The following FAF1 variants were observed in gnomAD, a reference collection of about 807,000 sequenced individuals.
FAF1 encodes the protein FAS-associated factor 1.
FAF1 carries 25 observed loss-of-function variants against 92.5 expected under a neutral mutation model. The ratio of observed to expected loss-of-function variants is 0.27; its 90% CI spans 0.20 to 0.38. FAF1 has a LOEUF of 0.38. Ranked by LOEUF, FAF1 falls within the 10% of genes least tolerant of loss-of-function variation. The probability of loss-of-function intolerance (pLI) is 1.00; values close to 1 mark genes in which losing one functional copy is unlikely to be tolerated. For synonymous variants in FAF1, 234 were observed against 273.2 expected (o/e 0.86, Z 1.42); for missense variants, 636 against 793.3 (o/e 0.80, Z 2.38).
chr1:50,670,464 T>G (rs934352478), intron 7 of FAF1, among the ~76,000 whole-genome samples: 1 of 152,052 alleles, frequency 6.6e-6, no homozygotes, highest in Non-Finnish European at 1.5e-5. Context: ...CTTAAGAAAG[T>G]AGAAAATATA....
At chr1:50,926,123 G>T (rs927357796) in intron 1 of FAF1, among the ~76,000 whole-genome samples, 1 of 152,062 alleles carries the variant, frequency 6.6e-6, no homozygotes, top group East Asian at 1.9e-4. Context: ...AGACTGAGGG[G>T]GGAGGATCGC....
At chr1:50,602,439 T>C (rs1652184476) in intron 8 of FAF1, among the ~76,000 whole-genome samples, 1 of 152,198 alleles carries the variant, frequency 6.6e-6, no homozygotes, top group Non-Finnish European at 1.5e-5. Context: ...AGGTCAATTA[T>C]ACTTCAATAA....
At chr1:50,941,786 C>T (rs1469547893) in intron 1 of FAF1, among the ~76,000 whole-genome samples, 1 of 152,120 alleles carries the variant, frequency 6.6e-6, no homozygotes, top group Non-Finnish European at 1.5e-5. Context: ...AACACGTTCC[C>T]CCATTGGACC....
intron 2 of FAF1, chr1:50,846,389 C>T (rs1644299695): frequency 5.9e-6 from 2 of 340,922 alleles, no homozygotes; most frequent in Non-Finnish European, 1.1e-5. Flanking sequence ...ACCTCCAGGT[C>T]CCCGCCATCC....
chr1:50,685,697 A>T (rs944732303), intron 7 of FAF1, among the ~76,000 whole-genome samples: 2 of 152,216 alleles, frequency 1.3e-5, no homozygotes, highest in African/African-American at 2.4e-5. Flanking sequence ...AGCTACTGAC[A>T]CTAGTAGATG....
At chr1:50,506,449 T>G (rs1647059439) in intron 15 of FAF1, among the ~76,000 whole-genome samples, 1 of 152,142 alleles carries the variant, frequency 6.6e-6, no homozygotes, top group Admixed American at 6.6e-5. Context: ...CCACCCCTTC[T>G]CCTTCAGGCA....
intron 1 of FAF1, 40 bp downstream of exon 1, chr1:50,959,727 G>A (rs764809890): frequency 1.3e-6 from 2 of 1,567,238 alleles, no homozygotes; most frequent in Non-Finnish European, 1.7e-6. Context: ...GGAAACCCAC[G>A]AGGTTGGAAG....
At chr1:50,809,478 A>C (rs1400760116) in intron 2 of FAF1, among the ~76,000 whole-genome samples, 3 of 152,222 alleles carry the variant, frequency 2.0e-5, no homozygotes, top group Non-Finnish European at 4.4e-5. Context: ...AGAGACTGCT[A>C]TGAACATCTC....
chr1:50,717,871 G>C lies in FAF1; in HGVS notation c.552-11980C>G, dbSNP rs191838212. 1.7e-3 allele frequency among the ~76,000 whole-genome samples: 257 copies of C among 152,032 alleles called. 1 individual carries two copies. Among genetic ancestry groups the C allele is most frequent in the African/African-American group, 5.9e-3 (244 of 41,468 alleles). On this transcript the variant is annotated intron_variant, in intron 6 of 18. Coordinates refer to ENST00000396153, the MANE Select transcript of FAF1 (RefSeq NM_007051.3). ...TTTTTAAAACAATTGTATGTTTATT[G>C]TATATGAATTATAACTCCATAAAAA...
At chr1:50,572,723 G>C (rs896250600) in intron 12 of FAF1, among the ~76,000 whole-genome samples, 1 of 152,188 alleles carries the variant, frequency 6.6e-6, no homozygotes, top group Admixed American at 6.5e-5. Context: ...AAGGTCAGAA[G>C]TCTGTTAAAA....
chr1:50,825,055 T>C (rs754739105), intron 2 of FAF1, among the ~76,000 whole-genome samples: 14 of 152,076 alleles, frequency 9.2e-5, no homozygotes, highest in Non-Finnish European at 1.5e-4. Context: ...AGAGTGACTA[T>C]AGTTAACAAT....
At position 50,746,247 on chromosome 1, in the gene FAF1, CATATATATATATATATATAT is replaced by C. The variant is rs762650119; in HGVS notation, c.368-1492_368-1473del. On this transcript the variant is annotated intron_variant, in intron 4 of 18. Coordinates refer to ENST00000396153, the MANE Select transcript of FAF1 (RefSeq NM_007051.3). ...GAGCAAAGAAATGACCTGAAACGAA[CATATATATATATATATATAT>C]ATATATATATATATATATATATATA... Among the ~76,000 whole-genome samples, 328 of 39,884 alleles carry C rather than the reference CATATATATATATATATATAT, an allele frequency of 8.2e-3. 1 individual carries two copies. Among genetic ancestry groups the C allele is most frequent in the African/African-American group, 0.016 (136 of 8,360 alleles). 26.2% of individuals were successfully genotyped at this position (39,884 alleles called of 152,430 possible).
chr1:50,536,840 C>T (rs979014153), intron 14 of FAF1, among the ~76,000 whole-genome samples: 1 of 152,006 alleles, frequency 6.6e-6, no homozygotes, highest in Non-Finnish European at 1.5e-5. Flanking sequence ...GGATCAATTT[C>T]CTTTTCTCAA....
intron 7 of FAF1, among the ~76,000 whole-genome samples, chr1:50,686,276 C>CTCA (rs1401099539): frequency 6.6e-6 from 1 of 152,120 alleles, no homozygotes; most frequent in Non-Finnish European, 1.5e-5. Flanking sequence ...GGCCCGGTGG[C>CTCA]TCATACCTGT....
intron 13 of FAF1, among the ~76,000 whole-genome samples, chr1:50,565,661 AC>A (rs1176031239): frequency 6.6e-6 from 1 of 152,056 alleles, no homozygotes; most frequent in African/African-American, 2.4e-5. Context: ...AAAAAAAGAA[AC>A]CCTCAAACAC....
At chr1:50,594,753 C>T (rs1008515177) in intron 9 of FAF1, among the ~76,000 whole-genome samples, 1 of 151,306 alleles carries the variant, frequency 6.6e-6, no homozygotes, top group African/African-American at 2.4e-5. Context: ...CACCTGTAGT[C>T]CCAGCTACTT....
At chr1:50,496,798 A>G (rs1646903947) in intron 15 of FAF1, among the ~76,000 whole-genome samples, 1 of 151,942 alleles carries the variant, frequency 6.6e-6, no homozygotes, top group African/African-American at 2.4e-5. Context: ...CTGAGGCAGG[A>G]TAATTGCTTG....
chr1:50,906,279 T>C (rs909327865), intron 1 of FAF1, among the ~76,000 whole-genome samples: 3 of 152,248 alleles, frequency 2.0e-5, no homozygotes, highest in Admixed American at 6.5e-5. Flanking sequence ...TTGGTTATTG[T>C]AGCTTTGTAG....
intron 7 of FAF1, among the ~76,000 whole-genome samples, chr1:50,694,792 CAAA>C (rs371721063): frequency 0.019 from 1,080 of 55,796 alleles, 8 homozygotes; most frequent in African/African-American, 0.059. Context: ...CTAAAAAATA[CAAA>C]AAAAAAAAAA....
Sources: allele counts gnomAD v4.1 joint callset (sites outside exome capture counted in the v4.1 genomes callset), GRCh38; gene constraint gnomAD v4.1.1; transcripts MANE v1.5; gene names NCBI Gene and HGNC (gene_info 2026-07-23, HGNC 2026-07-21).